Variants in EPHA6 observed in about 807,000 individuals in gnomAD.
The protein encoded by EPHA6 is EPH receptor A6, also known as ephrin type-A receptor 6.
In EPHA6, 50 loss-of-function variants were observed where a neutral mutation model predicts 112.0. The ratio of observed to expected loss-of-function variants is 0.45; its 90% CI spans 0.36 to 0.56. The LOEUF is 0.56. EPHA6 is among the 20% of genes least tolerant of loss of function. The pLI is 0.00. For synonymous variants in EPHA6, 529 were observed against 490.7 expected, an observed-to-expected ratio of 1.08 and a Z score of -1.03; for missense variants, 1,280 against 1,417.4, an observed-to-expected ratio of 0.90 and a Z score of 1.56.
At chr3:97,132,753 C>A (rs552906722) in intron 3 of EPHA6, among the ~76,000 whole-genome samples, 1 of 152,112 alleles carries the variant, frequency 6.6e-6, no homozygotes, top group South Asian at 2.1e-4. Flanking sequence ...TATTCCACAT[C>A]CCCTAAAAAG....
chr3:97,543,191 T>A (rs1243812992), intron 11 of EPHA6, among the ~76,000 whole-genome samples: 3 of 152,314 alleles, frequency 2.0e-5, no homozygotes, highest in African/African-American at 2.4e-5. Flanking sequence ...CTGAATGGTA[T>A]TGCCTAGGTT....
intron 3 of EPHA6, among the ~76,000 whole-genome samples, chr3:97,146,418 A>G (rs1330571989): frequency 6.6e-6 from 1 of 151,788 alleles, no homozygotes; most frequent in African/African-American, 2.4e-5. Context: ...TGTCTCCCAA[A>G]CCATATCCCT....
Position 97,521,638 on chromosome 3 carries a change from C to G in EPHA6, c.2201-10720C>G, listed in dbSNP as rs989397479. ...CAATTACCTCCCACTGGGTCCCTCCCATGACACATGGGGATTATGGGAACT... is the reference window on the plus strand; with the variant it reads ...CAATTACCTCCCACTGGGTCCCTCCGATGACACATGGGGATTATGGGAACT... On this transcript the variant is annotated intron_variant, in intron 10 of 17. Coordinates refer to ENST00000389672, the MANE Select transcript of EPHA6 (RefSeq NM_001080448.3). Among the ~76,000 whole-genome samples the G allele has an allele frequency of 2.0e-5, 3 of 152,118 alleles. No individual in the cohort carries two copies. The South Asian group carries it at 6.2e-4, about 32-fold the overall frequency.
chr3:97,206,415 T>C (rs2077713680), intron 3 of EPHA6, among the ~76,000 whole-genome samples: 1 of 152,126 alleles, frequency 6.6e-6, no homozygotes, highest in South Asian at 2.1e-4. Flanking sequence ...CCCTATTAGC[T>C]ACCTTATATA....
chr3:96,925,161 A>C (rs562215164), intron 2 of EPHA6, among the ~76,000 whole-genome samples: 1 of 152,336 alleles, frequency 6.6e-6, no homozygotes, highest in South Asian at 2.1e-4. Flanking sequence ...CTGGCCTCAT[A>C]GAATGAGTCA....
chr3:97,054,547 A>G (rs578040755), intron 3 of EPHA6, among the ~76,000 whole-genome samples: 2 of 152,080 alleles, frequency 1.3e-5, no homozygotes, highest in Admixed American at 1.3e-4. Flanking sequence ...AAATCACTAA[A>G]CTGTGTAACT....
rs2036009432 is a variant in EPHA6 at position 97,755,682 on chromosome 3, A to G, written c.*6981A>G. Among the ~76,000 whole-genome samples, 1 of 152,164 alleles carries G rather than the reference A, an allele frequency of 6.6e-6. No homozygotes were observed. Among genetic ancestry groups the G allele is most frequent in the African/African-American group, 2.4e-5 (1 of 41,458 alleles). On this transcript the variant is annotated 3_prime_UTR_variant, in exon 18 of 18. Transcript: ENST00000389672. ...TATATTCCATTCAATTTGTATATTT[A>G]GGTATTAGTAACTGAGGATAGATAT...
chr3:97,530,296 GA>G (rs1016896222), intron 10 of EPHA6, among the ~76,000 whole-genome samples: 3 of 151,894 alleles, frequency 2.0e-5, no homozygotes, highest in Non-Finnish European at 2.9e-5. Flanking sequence ...TTATGCATAA[GA>G]GAAAATCTTT....
At chr3:97,187,809 A>T (rs974934083) in intron 3 of EPHA6, among the ~76,000 whole-genome samples, 2 of 152,094 alleles carry the variant, frequency 1.3e-5, no homozygotes, top group Non-Finnish European at 2.9e-5. Flanking sequence ...CAAGACACAG[A>T]ATCAAGCCTA....
intron 3 of EPHA6, among the ~76,000 whole-genome samples, chr3:97,182,445 A>G (rs536191849): frequency 6.6e-6 from 1 of 151,764 alleles, no homozygotes; most frequent in South Asian, 2.1e-4. Flanking sequence ...AATGCACGGA[A>G]TTTTTAGTTT....
At chr3:97,695,275 G>A (rs1052869339) in intron 14 of EPHA6, among the ~76,000 whole-genome samples, 1 of 152,132 alleles carries the variant, frequency 6.6e-6, no homozygotes, top group African/African-American at 2.4e-5. Flanking sequence ...ACTCATGTAT[G>A]GTGGTATATT....
chr3:97,411,903 T>C (rs2107126540), intron 6 of EPHA6, among the ~76,000 whole-genome samples: 1 of 152,168 alleles, frequency 6.6e-6, no homozygotes, highest in Non-Finnish European at 1.5e-5. Flanking sequence ...TAACAAGACC[T>C]ACTGTTCAGA....
intron 3 of EPHA6, among the ~76,000 whole-genome samples, chr3:96,994,707 G>GTATATATATATA (rs1340605702): frequency 3.2e-5 from 3 of 93,320 alleles, no homozygotes; most frequent in African/African-American, 1.5e-4. Flanking sequence ...GTGTGTGTGT[G>GTATATATATATA]TGTATATATA....
At chr3:97,454,639 T>TG (rs1383175428) in intron 7 of EPHA6, among the ~76,000 whole-genome samples, 1 of 151,848 alleles carries the variant, frequency 6.6e-6, no homozygotes, top group Non-Finnish European at 1.5e-5. Context: ...ATTCTAAATT[T>TG]GGGGGCACAT....
chr3:97,568,421 C>G (rs369094876), intron 11 of EPHA6, among the ~76,000 whole-genome samples: 1 of 152,118 alleles, frequency 6.6e-6, no homozygotes, highest in Non-Finnish European at 1.5e-5. Flanking sequence ...ATTGATGGAA[C>G]GAGTCCAAGT....
chr3:97,443,831 T>C (rs923788452), intron 6 of EPHA6, among the ~76,000 whole-genome samples: 1 of 152,146 alleles, frequency 6.6e-6, no homozygotes, highest in Non-Finnish European at 1.5e-5. Flanking sequence ...TGTTAGTTAC[T>C]TCTAGTGTAT....
intron 11 of EPHA6, among the ~76,000 whole-genome samples, chr3:97,591,418 G>T (rs772601252): frequency 6.6e-6 from 1 of 152,120 alleles, no homozygotes; most frequent in Non-Finnish European, 1.5e-5. Flanking sequence ...AGGTCTCTTC[G>T]CAAACACAGA....
intron 5 of EPHA6, among the ~76,000 whole-genome samples, chr3:97,375,007 G>A (rs769145824): frequency 1.3e-5 from 2 of 152,096 alleles, no homozygotes; most frequent in South Asian, 2.1e-4. Context: ...TCCAGCGCAT[G>A]CTAGCACTGG....
intron 2 of EPHA6, among the ~76,000 whole-genome samples, chr3:96,967,706 T>G (rs2042175028): frequency 6.6e-6 from 1 of 150,604 alleles, no homozygotes; most frequent in African/African-American, 2.5e-5. Flanking sequence ...GTGTGTGTGT[T>G]TTAATTATTG....
Sources: allele counts gnomAD v4.1 joint callset (sites outside exome capture counted in the v4.1 genomes callset), GRCh38; gene constraint gnomAD v4.1.1; transcripts MANE v1.5; gene names NCBI Gene and HGNC (gene_info 2026-07-23, HGNC 2026-07-21).